The following MGAT5 variants were observed in gnomAD, a reference collection of about 807,000 sequenced individuals.
MGAT5 encodes the protein alpha-1,6-mannosylglycoprotein 6-beta-N-acetylglucosaminyltransferase A.
MGAT5 carries 30 observed loss-of-function variants against 94.3 expected under a neutral mutation model. That is an observed-to-expected ratio of 0.32 (90% CI 0.24 to 0.43). The LOEUF (loss-of-function observed/expected upper bound fraction) is 0.43. MGAT5 is among the 20% of genes least tolerant of loss of function. MGAT5 has a pLI of 1.00. For synonymous variants in MGAT5, 310 were observed against 322.9 expected (o/e 0.96, Z 0.43); for missense variants, 691 against 905.5 (o/e 0.76, Z 3.04).
intron 10 of MGAT5, among the ~76,000 whole-genome samples, chr2:134,374,674 T>C (rs1272127853): frequency 6.6e-6 from 1 of 152,224 alleles, no homozygotes; most frequent in Non-Finnish European, 1.5e-5. Flanking sequence ...CCCTCAGTAC[T>C]GAACGAGTCC....
chr2:134,240,951 A>T (rs1226976809), intron 1 of MGAT5, among the ~76,000 whole-genome samples: 1 of 152,278 alleles, frequency 6.6e-6, no homozygotes, highest in Non-Finnish European at 1.5e-5. Flanking sequence ...AAGGTATTGG[A>T]GATGGCAGTT....
intron 10 of MGAT5, among the ~76,000 whole-genome samples, chr2:134,387,323 TATATA>T (rs1374674719): frequency 8.0e-5 from 4 of 50,310 alleles, no homozygotes; most frequent in Admixed American, 2.3e-4. Flanking sequence ...TATATATATA[TATATA>T]TATATTTTTT....
intron 1 of MGAT5, among the ~76,000 whole-genome samples, chr2:134,257,367 G>A (rs1479520148): frequency 2.0e-5 from 3 of 152,054 alleles, no homozygotes; most frequent in Admixed American, 1.3e-4. Context: ...GATTACAGGC[G>A]CACACCACCA....
chr2:134,312,656 T>A (rs779713036), intron 2 of MGAT5, among the ~76,000 whole-genome samples: 5 of 152,118 alleles, frequency 3.3e-5, no homozygotes, highest in African/African-American at 7.2e-5. Context: ...TCATTCACTG[T>A]TGTGTGTGGT....
At chr2:134,124,102 C>T (rs1007519757) in intron 1 of MGAT5, among the ~76,000 whole-genome samples, 2 of 152,132 alleles carry the variant, frequency 1.3e-5, no homozygotes, top group Non-Finnish European at 2.9e-5. Flanking sequence ...ATGTGCTGTG[C>T]ACTGGGCTGG....
At chr2:134,128,123 C>G (rs1685934700) in intron 1 of MGAT5, among the ~76,000 whole-genome samples, 1 of 151,486 alleles carries the variant, frequency 6.6e-6, no homozygotes, top group Non-Finnish European at 1.5e-5. Flanking sequence ...AATCCCAGCA[C>G]TCTCAGAGGC....
intron 1 of MGAT5, among the ~76,000 whole-genome samples, chr2:134,128,165 T>G (rs1199977326): frequency 6.6e-6 from 1 of 150,790 alleles, no homozygotes; most frequent in Non-Finnish European, 1.5e-5. Flanking sequence ...GCCCAGGAGT[T>G]TGAGACCAGC....
At chr2:134,428,325 C>T (rs1239628456) in intron 13 of MGAT5, 40 bp from the exon 14 acceptor site, 1 of 1,591,826 alleles carries the variant, frequency 6.3e-7, no homozygotes, top group African/African-American at 1.3e-5. Flanking sequence ...TACATGTTCT[C>T]TGTCCTTCTC....
intron 1 of MGAT5, among the ~76,000 whole-genome samples, chr2:134,242,032 G>A (rs1270107): frequency 0.58 from 87,507 of 152,086 alleles, 28,770 homozygotes; most frequent in Non-Finnish European, 0.74. Context: ...GACCTAATGA[G>A]CATGCTTATC....
At chr2:134,433,066 T>A (rs1335309883) in intron 14 of MGAT5, among the ~76,000 whole-genome samples, 1 of 152,174 alleles carries the variant, frequency 6.6e-6, no homozygotes, top group Non-Finnish European at 1.5e-5. Context: ...AAAAAACTCA[T>A]TTGTCCCTGT....
intron 1 of MGAT5, among the ~76,000 whole-genome samples, chr2:134,221,778 C>T (rs543014554): frequency 1.2e-4 from 19 of 152,144 alleles, no homozygotes; most frequent in African/African-American, 2.9e-4. Flanking sequence ...CAGGGACAAA[C>T]GCAGAAAAGG....
intron 2 of MGAT5, among the ~76,000 whole-genome samples, chr2:134,317,291 CG>C (rs1687048687): frequency 6.6e-6 from 1 of 152,042 alleles, no homozygotes; most frequent in Non-Finnish European, 1.5e-5. Context: ...TTTTTTAAGC[CG>C]GGCCACACAT....
intron 1 of MGAT5, among the ~76,000 whole-genome samples, chr2:134,209,020 G>A (rs1464202433): frequency 6.6e-6 from 1 of 152,152 alleles, no homozygotes; most frequent in East Asian, 1.9e-4. Flanking sequence ...TTGTGCATGG[G>A]AAGACCCAGA....
intron 9 of MGAT5, among the ~76,000 whole-genome samples, chr2:134,356,788 T>C (rs141323748): frequency 1.3e-5 from 2 of 152,270 alleles, no homozygotes; most frequent in African/African-American, 2.4e-5. Flanking sequence ...GACCTTTGCA[T>C]TGGTTGTCCC....
chr2:134,416,474 C>CTTTTTTTTTTTT, intron 12 of MGAT5, among the ~76,000 whole-genome samples: 1 of 139,208 alleles, frequency 7.2e-6, no homozygotes, highest in Non-Finnish European at 1.5e-5. Context: ...TCATTCCTTA[C>CTTTTTTTTTTTT]TTTTTTTTTT....
chr2:134,414,510 A>T (rs1683858870), intron 12 of MGAT5, among the ~76,000 whole-genome samples: 2 of 152,214 alleles, frequency 1.3e-5, no homozygotes, highest in Non-Finnish European at 2.9e-5. Flanking sequence ...GACAAAAAAT[A>T]TGCTTAAGGT....
chr2:134,199,079 A>G (rs1248406896), intron 1 of MGAT5, among the ~76,000 whole-genome samples: 4 of 152,238 alleles, frequency 2.6e-5, no homozygotes, highest in African/African-American at 4.8e-5. Flanking sequence ...AAATGCTTCC[A>G]TATTTTCCAG....
At chr2:134,312,068 G>A (rs1304314793) in intron 2 of MGAT5, among the ~76,000 whole-genome samples, 1 of 152,068 alleles carries the variant, frequency 6.6e-6, no homozygotes, top group Non-Finnish European at 1.5e-5. Flanking sequence ...TGGCCAACAT[G>A]GCGAAACCAC....
intron 10 of MGAT5, among the ~76,000 whole-genome samples, chr2:134,395,994 G>A (rs576365126): frequency 2.0e-5 from 3 of 152,302 alleles, no homozygotes; most frequent in East Asian, 3.9e-4. Context: ...TTTAGGGCCT[G>A]TGGGCCAATA....
Sources: gnomAD v4.1 joint callset for allele counts (sites outside exome capture counted in the v4.1 genomes callset) on GRCh38, gnomAD v4.1.1 for gene constraint, MANE v1.5 for transcripts, NCBI Gene and HGNC (gene_info 2026-07-23, HGNC 2026-07-21) for gene names.